The following MRPS18B variants were observed in gnomAD, a reference collection of about 807,000 sequenced individuals.
The protein encoded by MRPS18B is mitochondrial ribosomal protein S18B.
MRPS18B carries 27 observed loss-of-function variants against 28.4 expected under a neutral mutation model. The observed-to-expected ratio is 0.95, with a 90% CI of 0.70 to 1.31. MRPS18B has a LOEUF of 1.31. Among genes scored for constraint, MRPS18B ranks in the 40% most tolerant of loss-of-function variants. The pLI is 0.00. For synonymous variants in MRPS18B, 118 were observed against 123.7 expected, an observed-to-expected ratio of 0.95 and a Z score of 0.30; for missense variants, 343 against 335.9, an observed-to-expected ratio of 1.02 and a Z score of -0.17.
In MRPS18B at chr6:30,622,861, C is replaced by T. The variant is rs766364160; in HGVS notation, c.384C>T (p.Cys128=). The change falls in exon 5 of 7, where the codon TGC becomes TGT. Residue 128 remains cysteine (C), a synonymous_variant. Coordinates refer to ENST00000259873, the MANE Select transcript of MRPS18B (RefSeq NM_014046.4). ...TGAAGCTCTTGGAGCAATTTGTCTG[C>T]GCCCACACGGGTATCATCTTCTATG... ...RNVKLLEQFV[C]AHTGIIFYAP... is the part of the protein sequence containing the mutation. 5 of 1,613,062 alleles carry T rather than the reference C, an allele frequency of 3.1e-6. No individual in the cohort carries two copies. The highest frequency in any genetic ancestry group is 2.2e-5 in the South Asian group (2 of 91,080).
Position 30,617,859 on chromosome 6 carries a change from C to A in MRPS18B, c.-7C>A, listed in dbSNP as rs1429835799. On this transcript the variant is annotated 5_prime_UTR_variant, in exon 1 of 7. Transcript: ENST00000259873. ...TCCGTCAATTCCTGTCCTGGGCGTA[C>A]GTCAAGATGGCGGCGTCTGTATTAA... The A allele has an allele frequency of 6.2e-7, 1 of 1,614,182 alleles. No homozygotes were observed. The highest frequency in any genetic ancestry group is 8.5e-7 in the Non-Finnish European group (1 of 1,180,044).
At chr6:30,621,960 A>T (rs1453748061) in intron 4 of MRPS18B, among the ~76,000 whole-genome samples, 2 of 152,102 alleles carry the variant, frequency 1.3e-5, no homozygotes, top group African/African-American at 4.8e-5. Context: ...AACAAAACAA[A>T]ACAGAGATTA....
chr6:30,617,881 T>C lies in MRPS18B; in HGVS notation c.16T>C (p.Leu6=). Residue 6 remains leucine (L), a synonymous_variant, in exon 1 of 7, where the codon TTA becomes CTA. Transcript: ENST00000259873. MAASV[L]NTVLRRLPML... is the part of the protein sequence containing the mutation. Reference sequence around the variant, plus strand: ...GTACGTCAAGATGGCGGCGTCTGTATTAAACACCGTGCTGAGGCGGCTTCC... The same window carrying C: ...GTACGTCAAGATGGCGGCGTCTGTACTAAACACCGTGCTGAGGCGGCTTCC... 6.2e-7 allele frequency: 1 copy of C among 1,614,202 alleles called. No individual in the cohort carries two copies. Among genetic ancestry groups the C allele is most frequent in the South Asian group, 1.1e-5 (1 of 91,080 alleles).
At position 30,619,545 on chromosome 6, in the gene MRPS18B, C is replaced by T. The variant is rs1021908209; in HGVS notation, c.131C>T (p.Ser44Phe). The change falls in exon 2 of 7, where the codon TCC (serine) becomes TTC (phenylalanine). Residue 44 changes from serine (S) to phenylalanine (F), a missense_variant. Physicochemically the swap from Ser to Phe is radical, Grantham distance 155. Transcript: ENST00000259873. The stretch of plus-strand genomic sequence containing the variant: ...GCTCCCTCTGAGGAAGATTCTTTGT[C>T]CTCAGTTCCCATTTCTCCTTATAAG... Reference protein sequence around the residue: ...TKAPSEEDSLSSVPISPYKDE... With the variant: ...TKAPSEEDSLFSVPISPYKDE... 1 of 1,612,994 alleles carries T rather than the reference C, an allele frequency of 6.2e-7. No individual in the cohort carries two copies. Among genetic ancestry groups the T allele is most frequent in the Admixed American group, 1.7e-5 (1 of 60,016 alleles).
At chr6:30,619,623 G>C in intron 2 of MRPS18B, 22 bp downstream of exon 2, 1 of 1,610,282 alleles carries the variant, frequency 6.2e-7, no homozygotes, top group Non-Finnish European at 8.5e-7. Context: ...GGGGGAAAGG[G>C]AGGGTCAGAT....
chr6:30,625,841 C>T lies in MRPS18B; in HGVS notation c.*44C>T, dbSNP rs1463374744. On this transcript the variant is annotated 3_prime_UTR_variant, in exon 7 of 7. Transcript: ENST00000259873. ...AGAGGCCAGGCGTGGTGGCTCACTC[C>T]TGTAATCCCAGCACTTTGGGAAGCC... 1.3e-6 allele frequency: 2 copies of T among 1,555,946 alleles called. No homozygotes were observed. The highest frequency in any genetic ancestry group is 2.3e-5 in the East Asian group (1 of 44,048).
chr6:30,625,464 A>C, intron 6 of MRPS18B, 38 bp from the exon 7 acceptor site: 1 of 1,493,772 alleles, frequency 6.7e-7, no homozygotes, highest in Non-Finnish European at 9.0e-7. Context: ...CACCCTCCTC[A>C]TTGCCTCTTA....
intron 4 of MRPS18B, among the ~76,000 whole-genome samples, chr6:30,620,682 G>A (rs530881142): frequency 1.6e-4 from 24 of 151,940 alleles, no homozygotes; most frequent in African/African-American, 5.3e-4. Context: ...CGATTCTCCC[G>A]CCTCAGCCTC....
chr6:30,625,858 T>C lies in MRPS18B; in HGVS notation c.*61T>C. On this transcript the variant is annotated 3_prime_UTR_variant, in exon 7 of 7. Transcript: ENST00000259873. ...GCTCACTCCTGTAATCCCAGCACTT[T>C]GGGAAGCCAAGGTGGGCTGATCACT... The C allele has an allele frequency of 2.0e-6, 3 of 1,521,172 alleles. No individual in the cohort carries two copies. The highest frequency in any genetic ancestry group is 1.9e-5 in the Admixed American group (1 of 52,210). The allele number at this position is 1,521,172 out of a possible 1,614,324, so 94.2% of individuals were successfully genotyped here. A position where few individuals can be genotyped will look rare whatever the true frequency, so the allele number is the denominator to read the frequency against.
chr6:30,623,335 CAA>C (rs796312563), intron 5 of MRPS18B, among the ~76,000 whole-genome samples: 8 of 127,488 alleles, frequency 6.3e-5, no homozygotes, highest in African/African-American at 5.8e-5. Context: ...AGCTCCATCT[CAA>C]AAAAAAAAAA....
intron 1 of MRPS18B, among the ~76,000 whole-genome samples, chr6:30,619,288 C>G (rs142553609): frequency 4.6e-5 from 7 of 152,252 alleles, no homozygotes; most frequent in African/African-American, 1.7e-4. Context: ...CTTAGCTTTT[C>G]TTTCAGGATC....
At chr6:30,622,981 C>T (rs1761263293) in intron 5 of MRPS18B, 83 bp downstream of exon 5, 5 of 1,366,190 alleles carry the variant, frequency 3.7e-6, no homozygotes, top group Admixed American at 1.7e-5. Flanking sequence ...GGTATTTGTT[C>T]AGTGGCTCCT....
intron 5 of MRPS18B, 119 bp from the exon 6 acceptor site, chr6:30,624,764 G>A: frequency 9.2e-7 from 1 of 1,086,436 alleles, no homozygotes; most frequent in Non-Finnish European, 1.4e-6. Flanking sequence ...AGGGGTCAGG[G>A]GAAAGGGGTC....
chr6:30,617,996 A>G, intron 1 of MRPS18B, 53 bp downstream of exon 1: 1 of 1,589,898 alleles, frequency 6.3e-7, no homozygotes, highest in East Asian at 2.2e-5. Flanking sequence ...TACCTTCTCG[A>G]GGTTGTCGCT....
intron 4 of MRPS18B, 143 bp from the exon 5 acceptor site, chr6:30,622,689 G>A: frequency 1.4e-6 from 1 of 693,798 alleles, no homozygotes; most frequent in East Asian, 2.7e-5. Flanking sequence ...ACTGGGACAT[G>A]AAGGAGGATG....
intron 5 of MRPS18B, among the ~76,000 whole-genome samples, chr6:30,624,584 C>T (rs1761367432): frequency 6.6e-6 from 1 of 152,190 alleles, no homozygotes; most frequent in Non-Finnish European, 1.5e-5. Flanking sequence ...TTCAACTCAA[C>T]CCTCTAATTA....
At chr6:30,620,062 A>T in intron 4 of MRPS18B, 73 bp downstream of exon 4, 2 of 1,456,092 alleles carry the variant, frequency 1.4e-6, no homozygotes, top group South Asian at 1.1e-5. Flanking sequence ...TCACGCCTGT[A>T]ATCCCAGCAC....
intron 4 of MRPS18B, among the ~76,000 whole-genome samples, chr6:30,622,561 CAAA>C (rs554297101): frequency 1.8e-4 from 5 of 28,560 alleles, no homozygotes; most frequent in African/African-American, 2.8e-4. Flanking sequence ...GACTCTGTCT[CAAA>C]AAAAAAAAAA....
At chr6:30,618,004 G>C in intron 1 of MRPS18B, 61 bp downstream of exon 1, 1 of 1,572,574 alleles carries the variant, frequency 6.4e-7, no homozygotes, top group African/African-American at 1.4e-5. Context: ...CGAGGTTGTC[G>C]CTCCACTGTC....
Sources: gnomAD v4.1 joint callset for allele counts (sites outside exome capture counted in the v4.1 genomes callset) on GRCh38, gnomAD v4.1.1 for gene constraint, MANE v1.5 for transcripts, NCBI Gene and HGNC (gene_info 2026-07-23, HGNC 2026-07-21) for gene names.